The following ANK3 variants were observed in gnomAD, a reference collection of about 807,000 sequenced individuals.
The protein encoded by ANK3 is ankyrin 3.
In ANK3, 57 loss-of-function variants were observed where a neutral mutation model predicts 370.9. The observed-to-expected ratio is 0.15, with a 90% CI of 0.12 to 0.19. ANK3 has a LOEUF of 0.19. Among genes scored for constraint, ANK3 ranks in the 10% least tolerant of loss-of-function variants. ANK3 has a pLI of 1.00. For synonymous variants in ANK3, 1,929 were observed against 1,946.3 expected, an observed-to-expected ratio of 0.99 and a Z score of 0.23; for missense variants, 4,439 against 5,302.1, an observed-to-expected ratio of 0.84 and a Z score of 5.06.
intron 1 of ANK3, among the ~76,000 whole-genome samples, chr10:60,732,449 A>G (rs1377662651): frequency 6.6e-6 from 1 of 152,188 alleles, no homozygotes; most frequent in Non-Finnish European, 1.5e-5. Context: ...GGGTGGGAAG[A>G]AGGAGACTAT....
intron 2 of ANK3, among the ~76,000 whole-genome samples, chr10:60,399,507 G>A (rs538509798): frequency 3.3e-5 from 5 of 152,098 alleles, no homozygotes; most frequent in Non-Finnish European, 7.4e-5. Context: ...AAATTCTAGC[G>A]CAGATTGGCA....
intron 8 of ANK3, among the ~76,000 whole-genome samples, chr10:60,216,159 T>C (rs1455419767): frequency 6.6e-6 from 1 of 151,850 alleles, no homozygotes; most frequent in Admixed American, 6.6e-5. Flanking sequence ...GTTTAAGGAG[T>C]TTTTGGGCTG....
intron 2 of ANK3, among the ~76,000 whole-genome samples, chr10:60,453,747 C>T (rs1014331532): frequency 1.3e-5 from 2 of 150,968 alleles, no homozygotes; most frequent in African/African-American, 4.9e-5. Flanking sequence ...CACAGACAGA[C>T]ACACACACAC....
chr10:60,649,256 C>A (rs2078755081), intron 1 of ANK3, among the ~76,000 whole-genome samples: 1 of 152,062 alleles, frequency 6.6e-6, no homozygotes, highest in Admixed American at 6.6e-5. Context: ...CATCAAAAAA[C>A]CACCCACATC....
chr10:60,181,269 C>T (rs2132344907), intron 18 of ANK3, 60 bp downstream of exon 18: 1 of 1,364,014 alleles, frequency 7.3e-7, no homozygotes, highest in Non-Finnish European at 1.0e-6. Context: ...ATAGTTTCTT[C>T]CTTACTGCAG....
At chr10:60,564,030 T>A (rs2077401291) in intron 2 of ANK3, among the ~76,000 whole-genome samples, 1 of 152,094 alleles carries the variant, frequency 6.6e-6, no homozygotes, top group Non-Finnish European at 1.5e-5. Context: ...TGTACTAAAA[T>A]AAGCAAATTC....
chr10:60,340,369 G>T (rs546899353), intron 1 of ANK3, among the ~76,000 whole-genome samples: 1 of 152,082 alleles, frequency 6.6e-6, no homozygotes, highest in South Asian at 2.1e-4. Context: ...AAGTAGCTGG[G>T]GCTACAAGTT....
chr10:60,041,821 C>T (rs936210432), intron 43 of ANK3, among the ~76,000 whole-genome samples: 22 of 152,130 alleles, frequency 1.4e-4, no homozygotes, highest in African/African-American at 5.3e-4. Flanking sequence ...AGATTACTTC[C>T]CAGTTCCTTC....
In ANK3 at chr10:60,056,102, A is replaced by T. The variant is rs1035821885; in HGVS notation, c.12687-66T>A. On this transcript the variant is annotated intron_variant, in intron 41 of 43. Coordinates refer to ENST00000280772, the MANE Select transcript of ANK3 (RefSeq NM_020987.5). ...ACTGAATATAGGTTGCAGAAACTCT[A>T]AAGTTTTAAGAACTGTGTCTTTTGC... 4 of 1,509,810 alleles carry T rather than the reference A, an allele frequency of 2.6e-6. No individual in the cohort carries two copies. The African/African-American group carries it at 5.6e-5, about 21-fold the overall frequency. 93.5% of individuals were successfully genotyped at this position (1,509,810 alleles called of 1,614,324 possible).
chr10:60,038,609 C>T (rs551423839), intron 43 of ANK3, among the ~76,000 whole-genome samples: 17 of 152,192 alleles, frequency 1.1e-4, no homozygotes, highest in African/African-American at 3.6e-4. Flanking sequence ...AGTCTAACAT[C>T]GAGCATCTAT....
chr10:60,039,573 T>C (rs941068002), intron 43 of ANK3, among the ~76,000 whole-genome samples: 4 of 152,202 alleles, frequency 2.6e-5, no homozygotes, highest in Non-Finnish European at 5.9e-5. Flanking sequence ...TCTTTAATGA[T>C]CAAATACTAT....
intron 1 of ANK3, among the ~76,000 whole-genome samples, chr10:60,732,709 CA>C (rs1050681524): frequency 6.6e-6 from 1 of 151,750 alleles, no homozygotes; most frequent in Non-Finnish European, 1.5e-5. Flanking sequence ...CAAACAACAA[CA>C]AAAAAACGCC....
At chr10:60,542,529 G>A (rs1339408460) in intron 2 of ANK3, among the ~76,000 whole-genome samples, 4 of 151,880 alleles carry the variant, frequency 2.6e-5, no homozygotes, top group African/African-American at 7.2e-5. Flanking sequence ...TATAGCAGAT[G>A]TGGATAAAAA....
At chr10:60,121,600 G>C (rs1339421322) in intron 25 of ANK3, among the ~76,000 whole-genome samples, 2 of 151,776 alleles carry the variant, frequency 1.3e-5, no homozygotes, top group African/African-American at 4.8e-5. Context: ...GCTGAGGAGG[G>C]AGGATGGCTT....
intron 1 of ANK3, among the ~76,000 whole-genome samples, chr10:60,282,303 C>T (rs759645746): frequency 2.6e-5 from 4 of 152,112 alleles, no homozygotes; most frequent in African/African-American, 7.2e-5. Flanking sequence ...TTGAATTGAT[C>T]GCATATCTGG....
chr10:60,435,256 G>C (rs1208516103), intron 2 of ANK3, among the ~76,000 whole-genome samples: 1 of 152,134 alleles, frequency 6.6e-6, no homozygotes, highest in African/African-American at 2.4e-5. Flanking sequence ...ACTTTCCTAA[G>C]AAAAGTTGTT....
intron 2 of ANK3, among the ~76,000 whole-genome samples, chr10:60,433,188 T>G (rs1459295495): frequency 6.6e-6 from 1 of 152,192 alleles, no homozygotes; most frequent in Non-Finnish European, 1.5e-5. Context: ...CCAGGCATGG[T>G]GGTTCTTGCC....
chr10:60,433,555 C>T (rs1354575304), intron 2 of ANK3, among the ~76,000 whole-genome samples: 3 of 151,916 alleles, frequency 2.0e-5, no homozygotes, highest in Non-Finnish European at 4.4e-5. Flanking sequence ...ATCATGCCAC[C>T]GCACGATCGT....
chr10:60,665,950 G>A (rs2133376524), intron 1 of ANK3, among the ~76,000 whole-genome samples: 1 of 152,308 alleles, frequency 6.6e-6, no homozygotes, highest in African/African-American at 2.4e-5. Flanking sequence ...GAACATGTAT[G>A]TGCTATTGGT....
Sources: allele counts gnomAD v4.1 joint callset (sites outside exome capture counted in the v4.1 genomes callset), GRCh38; gene constraint gnomAD v4.1.1; transcripts MANE v1.5; gene names NCBI Gene and HGNC (gene_info 2026-07-23, HGNC 2026-07-21).